The following NOL4 variants were observed in gnomAD, a reference collection of about 807,000 sequenced individuals.
NOL4 encodes the protein nucleolar protein 4, also known as cancer/testis antigen 125.
In NOL4, 17 loss-of-function variants were observed where a neutral mutation model predicts 75.9. The observed-to-expected ratio is 0.22, with a 90% CI of 0.15 to 0.34. NOL4 has a LOEUF of 0.34. Among genes scored for constraint, NOL4 ranks in the 10% least tolerant of loss-of-function variants. The pLI, the probability that NOL4 is intolerant of heterozygous loss-of-function variation, is 1.00. For missense variants in NOL4, 614 were observed against 793.5 expected (o/e 0.77, Z 2.72); for synonymous variants, 292 against 289.9 (o/e 1.01, Z -0.07).
chr18:33,938,702 A>T (rs1427356020), intron 9 of NOL4, among the ~76,000 whole-genome samples: 1 of 152,288 alleles, frequency 6.6e-6, no homozygotes, highest in East Asian at 1.9e-4. Flanking sequence ...ATAGATTGCA[A>T]AAATGTTCTC....
intron 10 of NOL4, 103 bp downstream of exon 10, chr18:33,883,141 G>T (rs535526564): frequency 2.2e-5 from 17 of 786,492 alleles, no homozygotes; most frequent in South Asian, 5.9e-5. Flanking sequence ...CACCAGCATG[G>T]CACATGTATA....
intron 1 of NOL4, among the ~76,000 whole-genome samples, chr18:34,142,005 C>T (rs570945472): frequency 6.6e-6 from 1 of 152,196 alleles, no homozygotes; most frequent in East Asian, 1.9e-4. Flanking sequence ...ACAACCCCAA[C>T]AAAAAGTGGG....
chr18:33,855,021 C>A (rs1028930582), intron 10 of NOL4, among the ~76,000 whole-genome samples: 1 of 151,992 alleles, frequency 6.6e-6, no homozygotes, highest in African/African-American at 2.4e-5. Flanking sequence ...AGGCTATTCA[C>A]ATCTCCCAAG....
At chr18:33,878,755 A>G (rs1411704816) in intron 10 of NOL4, among the ~76,000 whole-genome samples, 1 of 152,094 alleles carries the variant, frequency 6.6e-6, no homozygotes, top group East Asian at 1.9e-4. Context: ...TTTAAAAAAC[A>G]AAAAAATACA....
intron 10 of NOL4, among the ~76,000 whole-genome samples, chr18:33,878,670 C>T (rs1417755354): frequency 6.6e-6 from 1 of 151,960 alleles, no homozygotes; most frequent in African/African-American, 2.4e-5. Context: ...CTCACCCAGC[C>T]TAATTCAAAA....
intron 8 of NOL4, among the ~76,000 whole-genome samples, chr18:33,952,717 G>A (rs2069327218): frequency 6.6e-6 from 1 of 152,204 alleles, no homozygotes; most frequent in African/African-American, 2.4e-5. Flanking sequence ...CTGAGATCGG[G>A]AGTTCAAGAC....
chr18:34,211,498 C>A (rs928872336), intron 1 of NOL4, among the ~76,000 whole-genome samples: 1 of 152,210 alleles, frequency 6.6e-6, no homozygotes, highest in African/African-American at 2.4e-5. Flanking sequence ...ATATGTGCCT[C>A]TTAGCTTTAC....
intron 1 of NOL4, among the ~76,000 whole-genome samples, chr18:34,167,276 G>C (rs1476538378): frequency 1.3e-5 from 2 of 151,808 alleles, no homozygotes; most frequent in Non-Finnish European, 2.9e-5. Context: ...GATACCAAGG[G>C]AATACCGTAT....
chr18:33,940,281 A>G (rs565658675), intron 9 of NOL4, among the ~76,000 whole-genome samples: 1 of 152,138 alleles, frequency 6.6e-6, no homozygotes. Flanking sequence ...TATTCACAAT[A>G]GCAAAGACTT....
intron 8 of NOL4, among the ~76,000 whole-genome samples, chr18:33,954,161 C>T (rs1284615790): frequency 6.6e-6 from 1 of 152,148 alleles, no homozygotes; most frequent in Admixed American, 6.6e-5. Context: ...TAAATCATCT[C>T]TAGCTTACTT....
At chr18:34,035,391 A>T (rs1407420005) in intron 5 of NOL4, among the ~76,000 whole-genome samples, 1 of 152,158 alleles carries the variant, frequency 6.6e-6, no homozygotes, top group Non-Finnish European at 1.5e-5. Flanking sequence ...ATTAAGCTGG[A>T]AATTTAAAAA....
At chr18:34,084,218 G>C (rs1488755234) in intron 5 of NOL4, among the ~76,000 whole-genome samples, 1 of 152,112 alleles carries the variant, frequency 6.6e-6, no homozygotes, top group Non-Finnish European at 1.5e-5. Flanking sequence ...GGGCTGGGTG[G>C]AATCCCCCTC....
chr18:34,194,448 G>GC, intron 1 of NOL4, among the ~76,000 whole-genome samples: 1 of 146,264 alleles, frequency 6.8e-6, no homozygotes, highest in Non-Finnish European at 1.5e-5. Context: ...AGGAAGGAAG[G>GC]AAGGAAGGAA....
intron 9 of NOL4, among the ~76,000 whole-genome samples, chr18:33,930,606 T>A (rs1461829917): frequency 1.3e-5 from 2 of 152,122 alleles, no homozygotes; most frequent in Non-Finnish European, 2.9e-5. Context: ...AAAGAGCAAG[T>A]AAGTACACAT....
At chr18:33,992,017 A>G (rs565361863) in intron 6 of NOL4, among the ~76,000 whole-genome samples, 2 of 152,186 alleles carry the variant, frequency 1.3e-5, no homozygotes, top group African/African-American at 4.8e-5. Flanking sequence ...AAGCATGTGC[A>G]TAGATCTTCT....
In NOL4 at chr18:34,191,342, T is replaced by C. The variant is rs141112665; in HGVS notation, c.264+31648A>G. On this transcript the variant is annotated intron_variant, in intron 1 of 10. Coordinates refer to ENST00000261592, the MANE Select transcript of NOL4 (RefSeq NM_003787.5). ...ATATATAACATAATATTGTACTACATAACACAATAATTGACCACTTGTCAG... is the reference window on the plus strand; with the variant it reads ...ATATATAACATAATATTGTACTACACAACACAATAATTGACCACTTGTCAG... Among the ~76,000 whole-genome samples, 147 of 152,258 alleles carry C rather than the reference T, an allele frequency of 9.7e-4. 3 individuals are homozygous for C. The East Asian group carries it at 0.026, about 27-fold the overall frequency.
At chr18:34,188,683 A>G (rs767929392) in intron 1 of NOL4, among the ~76,000 whole-genome samples, 20 of 152,238 alleles carry the variant, frequency 1.3e-4, no homozygotes, top group Non-Finnish European at 2.2e-4. Flanking sequence ...AGAGTGTATT[A>G]TATCACGTAT....
At chr18:34,049,076 A>G (rs1469734732) in intron 5 of NOL4, among the ~76,000 whole-genome samples, 441 of 30,402 alleles carry the variant, frequency 0.015, 2 homozygotes, top group African/African-American at 0.045. Context: ...AGGCGCGCGC[A>G]CACACACACA....
chr18:34,143,564 A>T (rs1240286039), intron 1 of NOL4, among the ~76,000 whole-genome samples: 1 of 152,100 alleles, frequency 6.6e-6, no homozygotes, highest in African/African-American at 2.4e-5. Context: ...TACAAATTTT[A>T]TTCATTAAAC....
Sources: gnomAD v4.1 joint callset for allele counts (sites outside exome capture counted in the v4.1 genomes callset) on GRCh38, gnomAD v4.1.1 for gene constraint, MANE v1.5 for transcripts, NCBI Gene and HGNC (gene_info 2026-07-23, HGNC 2026-07-21) for gene names.